Variants in COL5A1 observed in about 807,000 individuals in gnomAD.
COL5A1 encodes collagen type V alpha 1 chain, also known as collagen alpha-1(V) chain.
COL5A1 carries 16 observed loss-of-function variants against 263.7 expected under a neutral mutation model. That is an observed-to-expected ratio of 0.06 (90% CI 0.04 to 0.09). COL5A1 has a LOEUF of 0.09. Among genes scored for constraint, COL5A1 ranks in the 10% least tolerant of loss-of-function variants. The pLI, the probability that COL5A1 is intolerant of heterozygous loss-of-function variation, is 1.00. For missense variants in COL5A1, 2,036 were observed against 2,540.5 expected, an observed-to-expected ratio of 0.80 and a Z score of 4.27; for synonymous variants, 1,012 against 1,004.5, an observed-to-expected ratio of 1.01 and a Z score of -0.14.
chr9:134,752,594 A>C lies in COL5A1; in HGVS notation c.1668A>C (p.Ala556=). The change falls in exon 14 of 66, where the codon GCA becomes GCC. Residue 556 remains alanine, a synonymous_variant. Coordinates refer to ENST00000371817, the MANE Select transcript of COL5A1 (RefSeq NM_000093.5). ...AQAILQQARL[A]LRGPAGPMGL... Reference sequence around the variant, plus strand: ...TGTCTCACTTTCCTTTGCAGTTGGCACTGAGGGGACCAGCTGGCCCGATGG... The same window carrying C: ...TGTCTCACTTTCCTTTGCAGTTGGCCCTGAGGGGACCAGCTGGCCCGATGG... The C allele has an allele frequency of 1.9e-6, 3 of 1,613,316 alleles. No homozygotes were observed. Among genetic ancestry groups the C allele is most frequent in the Admixed American group, 1.7e-5 (1 of 60,004 alleles).
At position 134,780,094 on chromosome 9, in the gene COL5A1, C is replaced by T; in HGVS notation, c.2386-8C>T. On this transcript the variant is annotated splice_polypyrimidine_tract_variant and splice_region_variant and intron_variant, in intron 27 of 65. Transcript: ENST00000371817. ...CATTCACTCCTTTTTCTTTTCCCAC[C>T]CGCACAGGGGGCCGATGGCATCCGT... is the stretch of plus-strand genomic sequence containing the variant. 1 of 1,613,524 alleles carries T rather than the reference C, an allele frequency of 6.2e-7. No homozygotes were observed. The highest frequency in any genetic ancestry group is 8.5e-7 in the Non-Finnish European group (1 of 1,180,008).
chr9:134,814,970 T>A (rs1297259799), intron 50 of COL5A1, 66 bp downstream of exon 50: 6 of 1,153,640 alleles, frequency 5.2e-6, no homozygotes, highest in Non-Finnish European at 7.5e-6. Context: ...GGGATCATTC[T>A]GACTCACTGG....
At chr9:134,750,708 C>T (rs868414903) in intron 12 of COL5A1, 82 bp from the exon 13 acceptor site, 1 of 1,592,732 alleles carries the variant, frequency 6.3e-7, no homozygotes, top group South Asian at 1.1e-5. Context: ...ACTGGAGAGG[C>T]CTGTGGGCCC....
rs758818255 is a variant in COL5A1 at position 134,795,254 on chromosome 9, C to T, written c.2746-8C>T. On this transcript the variant is annotated splice_region_variant and splice_polypyrimidine_tract_variant and intron_variant, in intron 33 of 65. Transcript: ENST00000371817. The stretch of plus-strand genomic sequence containing the variant: ...TGAGCTGACCTTCCTTCTCTCCCAT[C>T]TGTCCAGGGTCCGAGGGGTGAAAGA... 6 of 1,613,984 alleles carry T rather than the reference C, an allele frequency of 3.7e-6. No homozygotes were observed. The highest frequency in any genetic ancestry group is 2.2e-5 in the East Asian group (1 of 44,854).
intron 4 of COL5A1, among the ~76,000 whole-genome samples, chr9:134,709,799 G>A (rs1274916668): frequency 2.6e-5 from 4 of 152,236 alleles, no homozygotes; most frequent in Non-Finnish European, 5.9e-5. Context: ...GACGGCGGAT[G>A]TTCTGATCCA....
intron 1 of COL5A1, among the ~76,000 whole-genome samples, chr9:134,666,929 C>T (rs1015664181): frequency 1.3e-5 from 2 of 152,226 alleles, no homozygotes; most frequent in Non-Finnish European, 2.9e-5. Flanking sequence ...AAATAACTCA[C>T]ATCTCCTCGA....
intron 27 of COL5A1, among the ~76,000 whole-genome samples, chr9:134,776,490 T>G (rs1286307193): frequency 6.6e-6 from 1 of 152,238 alleles, no homozygotes; most frequent in East Asian, 1.9e-4. Context: ...AACCGAGGTT[T>G]AAAATTATTT....
Position 134,768,609 on chromosome 9 carries a change from T to C in COL5A1, c.2286+146T>C, listed in dbSNP as rs10776901. On this transcript the variant is annotated intron_variant, in intron 25 of 65. Coordinates refer to ENST00000371817, the MANE Select transcript of COL5A1 (RefSeq NM_000093.5). Reference sequence around the variant, plus strand: ...TGATGAAGACCCGTTTGGTCTCCAGTTGGACTGCTCGGTCATTCTTGGGTT... The same window carrying C: ...TGATGAAGACCCGTTTGGTCTCCAGCTGGACTGCTCGGTCATTCTTGGGTT... 0.37 allele frequency: 283,410 copies of C among 765,376 alleles called. 56,154 individuals are homozygous for C. The highest frequency in any genetic ancestry group is 0.7 in the East Asian group (26,651 of 38,334). The allele number at this position is 765,376 out of a possible 1,614,324, so 47.4% of individuals were successfully genotyped here. A position where few individuals can be genotyped will look rare whatever the true frequency, so the allele number is the denominator to read the frequency against.
chr9:134,816,984 G>C (rs771536042), intron 52 of COL5A1, 42 bp from the exon 53 acceptor site: 1 of 1,577,894 alleles, frequency 6.3e-7, no homozygotes, highest in Non-Finnish European at 8.7e-7. Context: ...TGAGTCTAAC[G>C]GGCCCCAATT....
intron 37 of COL5A1, among the ~76,000 whole-genome samples, chr9:134,801,354 G>T (rs1838106035): frequency 6.6e-6 from 1 of 152,386 alleles, no homozygotes; most frequent in Admixed American, 6.5e-5. Context: ...ACAGCCAGAG[G>T]TAGTCGCGGG....
At chr9:134,829,733 C>T (rs1340558204) in intron 63 of COL5A1, among the ~76,000 whole-genome samples, 1 of 151,876 alleles carries the variant, frequency 6.6e-6, no homozygotes, top group Non-Finnish European at 1.5e-5. Context: ...CCTCAAGGCC[C>T]AGGCCAGGCT....
chr9:134,817,705 C>T (rs916163480), intron 53 of COL5A1, 73 bp from the exon 54 acceptor site: 16 of 1,361,400 alleles, frequency 1.2e-5, no homozygotes, highest in East Asian at 4.8e-5. Flanking sequence ...ACACCCTGAG[C>T]GCCTGCACCC....
rs1215842588 is a variant in COL5A1 at position 134,742,784 on chromosome 9, A to AT, written c.1494+3979dup. 6.6e-6 allele frequency among the ~76,000 whole-genome samples: 1 copy of AT among 152,202 alleles called. No individual in the cohort carries two copies. Among genetic ancestry groups the AT allele is most frequent in the Non-Finnish European group, 1.5e-5 (1 of 68,026 alleles). ...TGGGTCTGAAATCATGAGGCTGTGCATTTGTGAAGGTTCCCTATGATGCCA... is the reference window on the plus strand; with the variant it reads ...TGGGTCTGAAATCATGAGGCTGTGCATTTTGTGAAGGTTCCCTATGATGCCA... On this transcript the variant is annotated intron_variant, in intron 11 of 65. Transcript: ENST00000371817. The surrounding 1 kb of genome is among the most constrained non-coding windows in gnomAD (Gnocchi z 4.6).
At chr9:134,733,457 G>A (rs929099099) in intron 9 of COL5A1, among the ~76,000 whole-genome samples, 24 of 152,310 alleles carry the variant, frequency 1.6e-4, no homozygotes, top group African/African-American at 2.6e-4. Context: ...GGGACCTGCC[G>A]GTGCCTACAG....
rs957432906 is a variant in COL5A1 at position 134,680,889 on chromosome 9, A to G, written c.110-10023A>G. 2.2e-4 allele frequency among the ~76,000 whole-genome samples: 34 copies of G among 152,188 alleles called. No individual in the cohort carries two copies. Among genetic ancestry groups the G allele is most frequent in the African/African-American group, 8.0e-4 (33 of 41,458 alleles). On this transcript the variant is annotated intron_variant, in intron 1 of 65. Coordinates refer to ENST00000371817, the MANE Select transcript of COL5A1 (RefSeq NM_000093.5). The surrounding 1 kb of genome is among the most constrained non-coding windows in gnomAD (Gnocchi z 5.9). The stretch of plus-strand genomic sequence containing the variant: ...GCGAAGTGGCAGTGAGCGCAGGGAC[A>G]GGCTGGGAGTTTGGGCTCAGGTCTC...
At chr9:134,703,856 G>A (rs540724710) in intron 4 of COL5A1, among the ~76,000 whole-genome samples, 98 of 151,984 alleles carry the variant, frequency 6.4e-4, no homozygotes, top group African/African-American at 2.2e-3. Context: ...AGCCAGGATG[G>A]TCTCGATCTC....
intron 64 of COL5A1, among the ~76,000 whole-genome samples, chr9:134,834,261 G>A (rs970051548): frequency 6.6e-6 from 1 of 152,208 alleles, no homozygotes; most frequent in Non-Finnish European, 1.5e-5. Context: ...CGGGTGCAGA[G>A]CTCTGCGTTT....
At chr9:134,762,768 A>T (rs1836505305) in intron 19 of COL5A1, among the ~76,000 whole-genome samples, 1 of 152,110 alleles carries the variant, frequency 6.6e-6, no homozygotes, top group African/African-American at 2.4e-5. Context: ...GCTGACATGG[A>T]CGGGGCACCT....
At chr9:134,728,215 C>G (rs959958801) in intron 5 of COL5A1, among the ~76,000 whole-genome samples, 1 of 152,252 alleles carries the variant, frequency 6.6e-6, no homozygotes, top group African/African-American at 2.4e-5. Context: ...CAGGCTCCTC[C>G]CAGCTCCTGG....
Sources: gnomAD v4.1 joint callset for allele counts (sites outside exome capture counted in the v4.1 genomes callset) on GRCh38, gnomAD v4.1.1 for gene constraint, Gnocchi (gnomAD v3.1) non-coding constraint, MANE v1.5 for transcripts, NCBI Gene and HGNC (gene_info 2026-07-23, HGNC 2026-07-21) for gene names.